DNAH11: variants seen among roughly 807,000 people sequenced by gnomAD.
DNAH11 encodes dynein axonemal heavy chain 11, also known as axonemal beta dynein heavy chain 11.
DNAH11 carries 442 observed loss-of-function variants against 526.0 expected under a neutral mutation model. That is an observed-to-expected ratio of 0.84 (90% confidence interval 0.78 to 0.91). The LOEUF (loss-of-function observed/expected upper bound fraction) is 0.91. Ranked by LOEUF, DNAH11 falls within the 40% of genes least tolerant of loss-of-function variation. DNAH11 has a pLI of 0.00. For missense variants in DNAH11, 6,989 were observed against 5,448.7 expected, an observed-to-expected ratio of 1.28 and a Z score of -8.90; for synonymous variants, 2,461 against 1,935.9, an observed-to-expected ratio of 1.27 and a Z score of -7.12.
At position 21,656,129 on chromosome 7, in the gene DNAH11, A is replaced by C. The variant is rs1257834944; in HGVS notation, c.5094+148A>C. 3 of 882,660 alleles carry C rather than the reference A, an allele frequency of 3.4e-6. No individual in the cohort carries two copies. In the East Asian group the frequency reaches 8.6e-5, roughly 25 times the overall value. The allele number at this position is 882,660 out of a possible 1,614,324, so 54.7% of individuals were successfully genotyped here. A position where few individuals can be genotyped will look rare whatever the true frequency, so the allele number is the denominator to read the frequency against. On this transcript the variant is annotated intron_variant, in intron 29 of 81. Transcript: ENST00000409508. Reference sequence around the variant, plus strand: ...CGGAGGTTCCTTTTTATCTGTATCCACTGTGACAGAGGGCTCTTCTGCCAT... The same window carrying C: ...CGGAGGTTCCTTTTTATCTGTATCCCCTGTGACAGAGGGCTCTTCTGCCAT...
At position 21,571,992 on chromosome 7, in the gene DNAH11, A is replaced by G. The variant is rs1428653619; in HGVS notation, c.1593+19A>G. ...TAACATGGTAATGTTGTACCTTTGC[A>G]TTTTCATTGCATGGGATCCTATAAT... On this transcript the variant is annotated intron_variant, in intron 8 of 81. Transcript: ENST00000409508. 6.7e-7 allele frequency: 1 copy of G among 1,489,702 alleles called. No homozygotes were observed. Among genetic ancestry groups the G allele is most frequent in the Non-Finnish European group, 8.9e-7 (1 of 1,121,694 alleles). 92.3% of individuals were successfully genotyped at this position (1,489,702 alleles called of 1,614,324 possible). A position where few individuals can be genotyped will look rare whatever the true frequency, so the allele number is the denominator to read the frequency against.
chr7:21,701,229 T>C (rs1291175972), intron 36 of DNAH11, among the ~76,000 whole-genome samples: 2 of 152,052 alleles, frequency 1.3e-5, no homozygotes, highest in Non-Finnish European at 2.9e-5. Flanking sequence ...ATTCTTCTAT[T>C]GTGACTCAGT....
intron 5 of DNAH11, among the ~76,000 whole-genome samples, chr7:21,562,207 G>A (rs1230771644): frequency 1.3e-5 from 2 of 152,172 alleles, no homozygotes; most frequent in Non-Finnish European, 1.5e-5. Context: ...TTTTGGGTTA[G>A]ATAATTTTTT....
rs758192580 is a variant in DNAH11, at chr7:21,742,085, G to C, written c.8073G>C (p.Gln2691His). Residue 2691 changes from glutamine (Q) to histidine (H), a missense_variant, in exon 49 of 82, where the codon CAG becomes CAC. Physicochemically the swap from Gln to His is conservative, Grantham distance 24. Coordinates refer to ENST00000409508, the MANE Select transcript of DNAH11 (RefSeq NM_001277115.2). ...TCCAGGCAACAATAGCATTCCATCA[G>C]ACAATGATGTGTAACTTTTTACCCA... ...TLIQATIAFH[Q>H]TMMCNFLPTA... 6.2e-7 allele frequency: 1 copy of C among 1,613,880 alleles called. No homozygotes were observed. The highest frequency in any genetic ancestry group is 1.7e-5 in the Admixed American group (1 of 60,014).
chr7:21,836,850 A>G (rs960115375), intron 65 of DNAH11, among the ~76,000 whole-genome samples: 28 of 152,162 alleles, frequency 1.8e-4, no homozygotes, highest in African/African-American at 6.8e-4. Context: ...TGCCTCTGAC[A>G]GTCAAGAGCT....
intron 64 of DNAH11, 107 bp downstream of exon 64, chr7:21,816,809 T>A: frequency 1.2e-6 from 1 of 853,608 alleles, no homozygotes; most frequent in Non-Finnish European, 1.8e-6. Context: ...ATTGATGTAT[T>A]ACAATTTGGT....
chr7:21,742,012 A>C lies in DNAH11; in HGVS notation c.8000A>C (p.Gln2667Pro), dbSNP rs1268033972. Reference sequence around the variant, plus strand: ...GGCCAAATCTTTAGCTTCCATTTCCAACAGCAAGCATTTGCTCCATCAATT... The same window carrying C: ...GGCCAAATCTTTAGCTTCCATTTCCCACAGCAAGCATTTGCTCCATCAATT... ...IYGQIFSFHF[Q>P]QQAFAPSILR... Residue 2667 changes from glutamine to proline, a missense_variant, in exon 49 of 82, where the codon CAA becomes CCA. Physicochemically the swap from Gln to Pro is moderately conservative, Grantham distance 76. Transcript: ENST00000409508. The C allele has an allele frequency of 6.2e-7, 1 of 1,613,846 alleles. No individual in the cohort carries two copies. The highest frequency in any genetic ancestry group is 1.3e-5 in the African/African-American group (1 of 74,928).
intron 56 of DNAH11, among the ~76,000 whole-genome samples, chr7:21,776,992 G>A (rs185827215): frequency 1.3e-4 from 19 of 151,794 alleles, no homozygotes; most frequent in African/African-American, 4.4e-4. Flanking sequence ...TCACATGTAG[G>A]TCTGGGTACT....
chr7:21,850,354 CAA>C (rs34141787), intron 66 of DNAH11, among the ~76,000 whole-genome samples: 16 of 122,326 alleles, frequency 1.3e-4, no homozygotes, highest in African/African-American at 2.0e-4. Flanking sequence ...GACTCTGTCT[CAA>C]AAAAAAAAAA....
chr7:21,847,872 T>C (rs1782475917), intron 66 of DNAH11, among the ~76,000 whole-genome samples: 2 of 152,118 alleles, frequency 1.3e-5, no homozygotes, highest in Admixed American at 6.5e-5. Context: ...CATTAAAGAT[T>C]ATTATGCTTT....
At chr7:21,744,271 C>A (rs1178718673) in intron 49 of DNAH11, among the ~76,000 whole-genome samples, 167 bp from the exon 50 acceptor site, 1 of 152,278 alleles carries the variant, frequency 6.6e-6, no homozygotes, top group African/African-American at 2.4e-5. Flanking sequence ...AAATATTGCA[C>A]TTATCAAAGA....
chr7:21,668,043 C>T (rs932566624), intron 30 of DNAH11, among the ~76,000 whole-genome samples: 1 of 152,092 alleles, frequency 6.6e-6, no homozygotes, highest in Non-Finnish European at 1.5e-5. Flanking sequence ...AAGGATTTTC[C>T]ACTCTTTCTA....
At chr7:21,695,047 G>C (rs1189681544) in intron 35 of DNAH11, among the ~76,000 whole-genome samples, 1 of 152,110 alleles carries the variant, frequency 6.6e-6, no homozygotes, top group East Asian at 1.9e-4. Flanking sequence ...GGATGTGAAG[G>C]ACCTCTTCAA....
At chr7:21,864,477 C>G in intron 69 of DNAH11, 58 bp from the exon 70 acceptor site, 3 of 1,570,350 alleles carry the variant, frequency 1.9e-6, no homozygotes, top group Non-Finnish European at 2.6e-6. Context: ...TGACTACTTC[C>G]TGTGTGACGA....
chr7:21,765,502 C>T lies in DNAH11; in HGVS notation c.9015C>T (p.Cys3005=). Residue 3005 remains cysteine (C), a synonymous_variant, in exon 55 of 82, where the codon TGC becomes TGT. Coordinates refer to ENST00000409508, the MANE Select transcript of DNAH11 (RefSeq NM_001277115.2). ...RARKFPAIVN[C]TAIDWFHAWP... is the part of the protein sequence containing the mutation. ...GGAAGTTCCCAGCCATAGTTAACTG[C>T]ACGGCTATTGACTGGTTTCATGCGT... The T allele has an allele frequency of 6.2e-7, 1 of 1,613,902 alleles. No individual in the cohort carries two copies. The highest frequency in any genetic ancestry group is 1.1e-5 in the South Asian group (1 of 91,082).
In DNAH11 at chr7:21,750,211, C is replaced by G. The variant is rs2128493104; in HGVS notation, c.8798-11C>G. 6.3e-7 allele frequency: 1 copy of G among 1,581,120 alleles called. No homozygotes were observed. The highest frequency in any genetic ancestry group is 8.6e-7 in the Non-Finnish European group (1 of 1,167,218). On this transcript the variant is annotated splice_polypyrimidine_tract_variant and intron_variant, in intron 53 of 81. Coordinates refer to ENST00000409508, the MANE Select transcript of DNAH11 (RefSeq NM_001277115.2). ...TGATCTTTTAGTAATTCTACTCATT[C>G]TTTGGGGCAGGAGAAATCCCAGATC...
At chr7:21,552,038 A>G (rs1325034378) in intron 2 of DNAH11, among the ~76,000 whole-genome samples, 2 of 152,152 alleles carry the variant, frequency 1.3e-5, no homozygotes, top group Non-Finnish European at 2.9e-5. Flanking sequence ...CACTGCTTGT[A>G]CACATTCGGG....
chr7:21,576,968 C>T (rs1175905473), intron 8 of DNAH11, among the ~76,000 whole-genome samples: 3 of 151,930 alleles, frequency 2.0e-5, no homozygotes, highest in African/African-American at 7.3e-5. Flanking sequence ...AAAACACTGG[C>T]CATTATATAT....
intron 8 of DNAH11, among the ~76,000 whole-genome samples, chr7:21,574,038 AG>A (rs1255823563): frequency 6.6e-6 from 1 of 152,206 alleles, no homozygotes; most frequent in Non-Finnish European, 1.5e-5. Context: ...GGATTTTATC[AG>A]GTGTGCCCAT....
Sources: allele counts gnomAD v4.1 joint callset (sites outside exome capture counted in the v4.1 genomes callset), GRCh38; gene constraint gnomAD v4.1.1; transcripts MANE v1.5; gene names NCBI Gene and HGNC (gene_info 2026-07-23, HGNC 2026-07-21).